NOMO3: variants seen among roughly 807,000 people sequenced by gnomAD.
The protein encoded by NOMO3 is NODAL modulator 3.
In NOMO3, 15 loss-of-function variants were observed where a neutral mutation model predicts 69.9. That is an observed-to-expected ratio of 0.21 (90% CI 0.14 to 0.33). The LOEUF (loss-of-function observed/expected upper bound fraction) is 0.33, where lower values mean the gene tolerates loss of function less well. Among genes scored for constraint, NOMO3 ranks in the 10% least tolerant of loss-of-function variants. The pLI is 1.00. For synonymous variants in NOMO3, 89 were observed against 301.9 expected (o/e 0.29, Z 7.31); for missense variants, 218 against 761.0 (o/e 0.29, Z 8.39).
At chr16:16,267,481 C>T in intron 16 of NOMO3, among the ~76,000 whole-genome samples, 1 of 142,670 alleles carries the variant, frequency 7.0e-6, no homozygotes, top group African/African-American at 2.9e-5. Flanking sequence ...GTCACCCAGG[C>T]TGGAGTGTAG....
Position 16,273,781 on chromosome 16 carries a change from C to T in NOMO3, c.2147C>T (p.Ala716Val). 9.9e-7 allele frequency: 1 copy of T among 1,008,054 alleles called. No homozygotes were observed. The highest frequency in any genetic ancestry group is 1.3e-6 in the Non-Finnish European group (1 of 773,074). 62.4% of individuals were successfully genotyped at this position (1,008,054 alleles called of 1,614,324 possible). Residue 716 changes from alanine to valine, a missense_variant, in exon 19 of 31, where the codon GCC (alanine) becomes GTC (valine). Ala to Val is a moderately conservative substitution (Grantham distance 64). Transcript: ENST00000399336. ...RREQQLAEIE[A>V]RRQEREKNGN... The stretch of plus-strand genomic sequence containing the variant: ...GAGCAGCAGCTGGCTGAGATCGAGG[C>T]CCGCAGGCAGGAGAGGGAGAAAAAC...
rs4780630 is a variant in NOMO3 at position 16,254,977 on chromosome 16, A to G, written c.964-743A>G. Among the ~76,000 whole-genome samples the G allele has an allele frequency of 3.4e-4, 49 of 143,446 alleles. 5 individuals carry two copies. The highest frequency in any genetic ancestry group is 1.6e-3 in the Admixed American group (24 of 14,796). The allele number at this position is 143,446 out of a possible 152,430, so 94.1% of individuals were successfully genotyped here. ...TTGCTGCTTCACACAGGCTGGCACTATCTTGGCTCACTGCAACCTCTGCAT... is the reference window on the plus strand; with the variant it reads ...TTGCTGCTTCACACAGGCTGGCACTGTCTTGGCTCACTGCAACCTCTGCAT... On this transcript the variant is annotated intron_variant, in intron 9 of 30. Transcript: ENST00000399336.
At chr16:16,266,312 A>C (rs1327614374) in intron 15 of NOMO3, among the ~76,000 whole-genome samples, 1 of 132,858 alleles carries the variant, frequency 7.5e-6, no homozygotes, top group Non-Finnish European at 1.5e-5. Context: ...TCCGGTTCAT[A>C]ATAAGTGATA....
chr16:16,242,924 C>T (rs1247718182), intron 3 of NOMO3, among the ~76,000 whole-genome samples: 3 of 142,802 alleles, frequency 2.1e-5, no homozygotes, highest in Non-Finnish European at 4.5e-5. Context: ...ACTCTAAACA[C>T]GAATTCCCTC....
chr16:16,268,109 G>A (rs2030881700), intron 16 of NOMO3, among the ~76,000 whole-genome samples: 2 of 138,678 alleles, frequency 1.4e-5, no homozygotes, highest in Non-Finnish European at 3.0e-5. Context: ...ATTCTGGTGT[G>A]TGGTTATATC....
chr16:16,261,541 C>T lies in NOMO3; in HGVS notation c.1260C>T (p.Pro420=), dbSNP rs946057507. The change falls in exon 12 of 31, where the codon CCC becomes CCT. Residue 420 remains proline (P), a synonymous_variant. Coordinates refer to ENST00000399336, the MANE Select transcript of NOMO3 (RefSeq NM_001004067.4). ...VCGQISIIRF[P]DTVKQMNKYK... ...GTCAGATATCAATCATTCGCTTCCC[C>T]GACACCGTCAAGCAGATGAATAAAT... 1.9e-5 allele frequency: 30 copies of T among 1,587,990 alleles called. 3 individuals carry two copies. In the Admixed American group the frequency reaches 2.4e-4, roughly 13 times the overall value.
chr16:16,257,803 GAGGTCA>G (rs2049524316), intron 11 of NOMO3, among the ~76,000 whole-genome samples: 1 of 143,972 alleles, frequency 6.9e-6, no homozygotes, highest in Non-Finnish European at 1.5e-5. Flanking sequence ...TAGACAGATG[GAGGTCA>G]AGGTCAAGGA....
In NOMO3 at chr16:16,240,371, T is replaced by C. The variant is rs2049365472; in HGVS notation, c.301+475T>C. On this transcript the variant is annotated intron_variant, in intron 3 of 30. Transcript: ENST00000399336. ...CTTATACCTTACCAGTTAAATAACT[T>C]TGGGCAAGTTACTTCCCCCGTGTCA... Among the ~76,000 whole-genome samples the C allele has an allele frequency of 1.4e-5, 2 of 144,394 alleles. 1 individual carries two copies. Among genetic ancestry groups the C allele is most frequent in the Middle Eastern group, 7.1e-3 (2 of 282 alleles). The allele number at this position is 144,394 out of a possible 152,430, so 94.7% of individuals were successfully genotyped here.
Position 16,233,505 on chromosome 16 carries a change from T to TTG in NOMO3, c.165+675_165+676insGT, listed in dbSNP as rs1163674196. On this transcript the variant is annotated intron_variant, in intron 1 of 30. Transcript: ENST00000399336. Reference sequence around the variant, plus strand: ...ACCCTAGAGATTTGTGCTGAAGGTTTTTTTTTTTTTTTTTTTTAATTAAGT... The same window carrying TTG: ...ACCCTAGAGATTTGTGCTGAAGGTTTTGTTTTTTTTTTTTTTTTTAATTAAGT... Among the ~76,000 whole-genome samples the TTG allele has an allele frequency of 4.3e-4, 53 of 123,170 alleles. 3 individuals are homozygous for TTG. Among genetic ancestry groups the TTG allele is most frequent in the African/African-American group, 1.6e-3 (49 of 30,888 alleles). 80.8% of individuals were successfully genotyped at this position (123,170 alleles called of 152,430 possible). A position where few individuals can be genotyped will look rare whatever the true frequency, so the allele number is the denominator to read the frequency against.
In NOMO3 at chr16:16,237,758, T is replaced by C. The variant is rs2856515; in HGVS notation, c.255+768T>C. On this transcript the variant is annotated intron_variant, in intron 2 of 30. Transcript: ENST00000399336. ...AGTGATGGGGTTTTGCCATGTTGGCTAGGCTGGTCTCGAACTCCTGACCTC... is the reference window on the plus strand; with the variant it reads ...AGTGATGGGGTTTTGCCATGTTGGCCAGGCTGGTCTCGAACTCCTGACCTC... Among the ~76,000 whole-genome samples the C allele has an allele frequency of 1.1e-3, 161 of 144,084 alleles. 2 individuals carry two copies. The highest frequency in any genetic ancestry group is 1.6e-3 in the East Asian group (7 of 4,448). The allele number at this position is 144,084 out of a possible 152,430, so 94.5% of individuals were successfully genotyped here.
At chr16:16,242,201 TTGTG>T (rs71276168) in intron 3 of NOMO3, among the ~76,000 whole-genome samples, 1,701 of 99,362 alleles carry the variant, frequency 0.017, 61 homozygotes, top group Non-Finnish European at 0.019. Flanking sequence ...ATTGGAGTCT[TTGTG>T]TGTGTGTGTG....
rs745319461 is a variant in NOMO3 at position 16,288,184 on chromosome 16, G to GAAACAAAACA, written c.3444+349_3444+358dup. On this transcript the variant is annotated intron_variant, in intron 29 of 30. Transcript: ENST00000399336. ...ACAGAGTGAGACCCTTTCTCCAGAAGAAACAAAACAAAACAAAACAAAACA... is the reference window on the plus strand; with the variant it reads ...ACAGAGTGAGACCCTTTCTCCAGAAGAAACAAAACAAAACAAAACAAAACAAAACAAAACA... Among the ~76,000 whole-genome samples the GAAACAAAACA allele has an allele frequency of 2.1e-5, 2 of 93,876 alleles. 1 individual carries two copies. Among genetic ancestry groups the GAAACAAAACA allele is most frequent in the Non-Finnish European group, 4.2e-5 (2 of 47,268 alleles). 61.6% of individuals were successfully genotyped at this position (93,876 alleles called of 152,430 possible).
intron 15 of NOMO3, among the ~76,000 whole-genome samples, chr16:16,265,991 C>T (rs1303967719): frequency 1.4e-5 from 2 of 145,650 alleles, no homozygotes; most frequent in Non-Finnish European, 2.9e-5. Context: ...CATTGTGCCC[C>T]ACCTTCTCTG....
In NOMO3 at chr16:16,268,730, G is replaced by T. The variant is rs2049639272; in HGVS notation, c.1895-1391G>T. Among the ~76,000 whole-genome samples, 5 of 142,554 alleles carry T rather than the reference G, an allele frequency of 3.5e-5. 1 individual carries two copies. In the South Asian group the frequency reaches 1.1e-3, roughly 32 times the overall value. 93.5% of individuals were successfully genotyped at this position (142,554 alleles called of 152,430 possible). On this transcript the variant is annotated intron_variant, in intron 16 of 30. Transcript: ENST00000399336. ...GTGCGTGGCTGCCAGCATGGGTTCA[G>T]CAGCTGGTAGATGTTAGGGGTGGTG... is the stretch of plus-strand genomic sequence containing the variant.
At chr16:16,262,910 A>G (rs2049576396) in intron 12 of NOMO3, among the ~76,000 whole-genome samples, 164 bp from the exon 13 acceptor site, 1 of 143,118 alleles carries the variant, frequency 7.0e-6, no homozygotes, top group African/African-American at 2.9e-5. Flanking sequence ...ACTTCACACA[A>G]GTTATTCGTG....
intron 11 of NOMO3, among the ~76,000 whole-genome samples, chr16:16,258,821 C>T (rs149707269): frequency 0.19 from 25,938 of 140,160 alleles, 4,017 homozygotes; most frequent in Non-Finnish European, 0.21. Context: ...GCTGAGATTG[C>T]ACCATTGCAC....
intron 14 of NOMO3, among the ~76,000 whole-genome samples, chr16:16,264,560 T>TC (rs1216703565): frequency 3.2e-5 from 3 of 94,742 alleles, no homozygotes; most frequent in African/African-American, 1.5e-4. Flanking sequence ...CTTTCTTTTT[T>TC]TTTGAAATTT....
chr16:16,235,910 C>G (rs1217461202), intron 1 of NOMO3: 1 of 432,008 alleles, frequency 2.3e-6, no homozygotes, highest in South Asian at 1.6e-5. Flanking sequence ...TATGTCTGCA[C>G]CTGAAGAAAC....
At chr16:16,255,138 G>C (rs567489312) in intron 9 of NOMO3, among the ~76,000 whole-genome samples, 5 of 143,414 alleles carry the variant, frequency 3.5e-5, no homozygotes, top group Non-Finnish European at 5.9e-5. Context: ...GTCTTGGACT[G>C]CTGACCTCAA....
Sources: allele counts gnomAD v4.1 joint callset (sites outside exome capture counted in the v4.1 genomes callset), GRCh38; gene constraint gnomAD v4.1.1; transcripts MANE v1.5; gene names NCBI Gene and HGNC (gene_info 2026-07-23, HGNC 2026-07-21).